Variants in SLC36A4 observed in about 807,000 individuals in gnomAD.
SLC36A4 encodes solute carrier family 36 member 4.
In SLC36A4, 49 loss-of-function variants were observed where a neutral mutation model predicts 50.5. That is an observed-to-expected ratio of 0.97 (90% CI 0.77 to 1.23). The LOEUF (loss-of-function observed/expected upper bound fraction) is 1.23. Ranked by LOEUF, SLC36A4 falls within the 50% of genes most tolerant of loss-of-function variation. The pLI, the probability that SLC36A4 is intolerant of heterozygous loss-of-function variation, is 0.00. For synonymous variants in SLC36A4, 207 were observed against 206.5 expected (o/e 1.00, Z -0.02); for missense variants, 611 against 608.4 (o/e 1.00, Z -0.05).
At chr11:93,178,421 G>A (rs1238409295) in intron 6 of SLC36A4, among the ~76,000 whole-genome samples, 1 of 152,166 alleles carries the variant, frequency 6.6e-6, no homozygotes, top group Non-Finnish European at 1.5e-5. Context: ...GCCCCAGTGA[G>A]ATGAACCCAG....
intron 5 of SLC36A4, among the ~76,000 whole-genome samples, chr11:93,181,151 T>C (rs1861714789): frequency 6.6e-6 from 1 of 152,102 alleles, no homozygotes; most frequent in African/African-American, 2.4e-5. Context: ...CTTTGCTGAC[T>C]GCTTATGCTT....
chr11:93,195,018 T>C (rs1862361438), intron 1 of SLC36A4, among the ~76,000 whole-genome samples: 1 of 152,068 alleles, frequency 6.6e-6, no homozygotes, highest in African/African-American at 2.4e-5. Context: ...CCCTCAGTTT[T>C]GTGCAACATG....
intron 1 of SLC36A4, among the ~76,000 whole-genome samples, chr11:93,190,389 C>T (rs868156910): frequency 4.6e-5 from 7 of 151,960 alleles, no homozygotes; most frequent in African/African-American, 1.7e-4. Flanking sequence ...TCCCAACACA[C>T]ACAAAAAAAG....
At chr11:93,197,724 GCA>G in intron 1 of SLC36A4, 52 bp downstream of exon 1, 6 of 1,551,994 alleles carry the variant, frequency 3.9e-6, no homozygotes, top group Non-Finnish European at 4.3e-6. Flanking sequence ...CCCGACTCCC[GCA>G]CAGACCCCCG....
At chr11:93,174,924 T>C (rs1167960051) in intron 6 of SLC36A4, among the ~76,000 whole-genome samples, 5 of 148,894 alleles carry the variant, frequency 3.4e-5, no homozygotes, top group Middle Eastern at 3.4e-3. Context: ...TGGTTGTGTC[T>C]CTGCCCGGCT....
intron 1 of SLC36A4, 187 bp downstream of exon 1, chr11:93,197,591 G>C (rs1192212398): frequency 1.6e-6 from 1 of 635,300 alleles, no homozygotes; most frequent in Non-Finnish European, 2.7e-6. Flanking sequence ...TCAGGCCTGG[G>C]CTTCGTCTGA....
chr11:93,167,996 G>T lies in SLC36A4; in HGVS notation c.716C>A (p.Ala239Asp). The change falls in exon 7 of 11, where the codon GCC becomes GAC. Residue 239 changes from alanine to aspartate, a missense_variant. Coordinates refer to ENST00000326402, the MANE Select transcript of SLC36A4 (RefSeq NM_152313.4). ...LKNLFVLSFLANVSMAVSLVI... is the reference protein window; with the variant it reads ...LKNLFVLSFLDNVSMAVSLVI... ...AAGACTGACAGCCATGGAAACGTTGGCAAGGAATGAAAGTACAAATAGATT... is the reference window on the plus strand; with the variant it reads ...AAGACTGACAGCCATGGAAACGTTGTCAAGGAATGAAAGTACAAATAGATT... The T allele has an allele frequency of 6.2e-7, 1 of 1,612,212 alleles. No individual in the cohort carries two copies. The highest frequency in any genetic ancestry group is 1.1e-5 in the South Asian group (1 of 90,840).
rs187129842 is a variant in SLC36A4, at chr11:93,177,716, C to T, written c.540+3081G>A. Among the ~76,000 whole-genome samples, 1,091 of 152,272 alleles carry T rather than the reference C, an allele frequency of 7.2e-3. 11 individuals are homozygous for T. The highest frequency in any genetic ancestry group is 0.025 in the African/African-American group (1,034 of 41,564). ...ATTGCAGAACGGCAAACGTTCCTGC[C>T]TGATCCTTCCTCTGGAAGCTTCGTC... On this transcript the variant is annotated intron_variant, in intron 6 of 10. Coordinates refer to ENST00000326402, the MANE Select transcript of SLC36A4 (RefSeq NM_152313.4).
chr11:93,180,052 A>G, intron 6 of SLC36A4: 1 of 938,924 alleles, frequency 1.1e-6, no homozygotes, highest in Non-Finnish European at 1.3e-6. Flanking sequence ...AAAAATATCT[A>G]CAAGACAATC....
At chr11:93,178,176 G>T (rs763581004) in intron 6 of SLC36A4, among the ~76,000 whole-genome samples, 1 of 152,168 alleles carries the variant, frequency 6.6e-6, no homozygotes, top group Non-Finnish European at 1.5e-5. Flanking sequence ...GCGAGGCTTT[G>T]TTGGCGTGGG....
At chr11:93,180,958 G>A (rs1022881156) in intron 5 of SLC36A4, 77 bp from the exon 6 acceptor site, 7 of 1,022,404 alleles carry the variant, frequency 6.8e-6, no homozygotes, top group South Asian at 1.4e-5. Context: ...CTTTTCAAGA[G>A]TTTTAAAACA....
intron 6 of SLC36A4, among the ~76,000 whole-genome samples, chr11:93,174,501 A>G (rs1861352947): frequency 6.7e-6 from 1 of 149,150 alleles, no homozygotes; most frequent in Admixed American, 6.7e-5. Flanking sequence ...AGGAGTGGTG[A>G]GAGAGGACAT....
chr11:93,162,702 C>CT lies in SLC36A4; in HGVS notation c.1037+3dup, dbSNP rs1318613463. On this transcript the variant is annotated splice_donor_region_variant and intron_variant, in intron 9 of 10. Transcript: ENST00000326402. The stretch of plus-strand genomic sequence containing the variant: ...CTAATATTGACAAATTCATATACAC[C>CT]TACCATACATCTTGGGGAAGATTTA... 3 of 1,600,564 alleles carry CT rather than the reference C, an allele frequency of 1.9e-6. No individual in the cohort carries two copies. The highest frequency in any genetic ancestry group is 2.6e-6 in the Non-Finnish European group (3 of 1,173,982).
intron 10 of SLC36A4, 123 bp downstream of exon 10, chr11:93,153,985 G>A (rs1860226708): frequency 2.0e-6 from 1 of 503,846 alleles, no homozygotes; most frequent in African/African-American, 2.0e-5. Flanking sequence ...GAATAAAATT[G>A]TTTTAAAAAT....
chr11:93,192,906 T>C (rs1862272658), intron 1 of SLC36A4: 1 of 152,522 alleles, frequency 6.6e-6, no homozygotes, highest in African/African-American at 2.4e-5. Context: ...ACATAGGAGT[T>C]TTGTGATGTC....
At chr11:93,177,489 G>A (rs943775929) in intron 6 of SLC36A4, among the ~76,000 whole-genome samples, 8 of 152,218 alleles carry the variant, frequency 5.3e-5, no homozygotes, top group East Asian at 3.9e-4. Flanking sequence ...GCTTTGTTCC[G>A]TTGCTGGCGA....
In SLC36A4 at chr11:93,145,523, A is replaced by G. The variant is rs537599973; in HGVS notation, c.*3014T>C. 1.3e-5 allele frequency: 2 copies of G among 152,194 alleles called. No individual in the cohort carries two copies. The highest frequency in any genetic ancestry group is 6.5e-5 in the Admixed American group (1 of 15,268). 9.4% of individuals were successfully genotyped at this position (152,194 alleles called of 1,614,324 possible). ...AAAACGTCTGAGAACCAGTGTTTTG[A>G]CAAGTTGACTCTGATACTGATGAAA... On this transcript the variant is annotated 3_prime_UTR_variant, in exon 11 of 11. Coordinates refer to ENST00000326402, the MANE Select transcript of SLC36A4 (RefSeq NM_152313.4).
At chr11:93,196,550 T>C (rs1285697788) in intron 1 of SLC36A4, among the ~76,000 whole-genome samples, 1 of 152,184 alleles carries the variant, frequency 6.6e-6, no homozygotes, top group Non-Finnish European at 1.5e-5. Flanking sequence ...GTGTTTTTAG[T>C]AGAGACGGGG....
Position 93,168,066 on chromosome 11 carries a change from AG to A in SLC36A4, c.645del (p.Leu217PhefsTer4), listed in dbSNP as rs1860963712. The A allele has an allele frequency of 6.2e-7, 1 of 1,612,468 alleles. No individual in the cohort carries two copies. Among genetic ancestry groups the A allele is most frequent in the African/African-American group, 1.3e-5 (1 of 74,840 alleles). ...ACCAAAAGAATTATAAATGGAAGAA[AG>A]CAAAGCATATATATCCTTAGGTCAA... ...RSVDLRIYML[C>X]FLPFIILLVF... On this transcript the variant is annotated frameshift_variant, in exon 7 of 11. Coordinates refer to ENST00000326402, the MANE Select transcript of SLC36A4 (RefSeq NM_152313.4). LOFTEE classifies it high-confidence loss of function.
Sources: allele counts gnomAD v4.1 joint callset (sites outside exome capture counted in the v4.1 genomes callset), GRCh38; gene constraint gnomAD v4.1.1; transcripts MANE v1.5; gene names NCBI Gene and HGNC (gene_info 2026-07-23, HGNC 2026-07-21).